The following SHPRH variants were observed in gnomAD, a reference collection of about 807,000 sequenced individuals.
SHPRH encodes SNF2 histone linker PHD RING helicase, also known as E3 ubiquitin-protein ligase SHPRH.
A neutral mutation model predicts 202.5 loss-of-function variants in SHPRH; 106 were observed. The observed-to-expected ratio is 0.52, with a 90% confidence interval of 0.45 to 0.62. The LOEUF (loss-of-function observed/expected upper bound fraction) is 0.62. Among genes scored for constraint, SHPRH ranks in the 20% least tolerant of loss-of-function variants. The probability of loss-of-function intolerance (pLI) is 0.00; values close to 1 mark genes in which losing one functional copy is unlikely to be tolerated. For synonymous variants in SHPRH, 729 were observed against 686.0 expected (o/e 1.06, Z -0.98); for missense variants, 1,710 against 2,020.0 (o/e 0.85, Z 2.94).
chr6:145,914,179 G>GT (rs1783742764), intron 23 of SHPRH, among the ~76,000 whole-genome samples: 1 of 152,070 alleles, frequency 6.6e-6, no homozygotes, highest in Non-Finnish European at 1.5e-5. Context: ...GGGTTGGATG[G>GT]TCTATGATGG....
Position 145,926,286 on chromosome 6 carries a change from G to C in SHPRH, c.3212C>G (p.Ala1071Gly). Residue 1071 changes from alanine (A) to glycine (G), a missense_variant, in exon 16 of 30, where the codon GCT becomes GGT. Coordinates refer to ENST00000275233, the MANE Select transcript of SHPRH (RefSeq NM_001042683.3). ...CAACAATTCCATCAAGTTATGGGTA[G>C]CATGAAGTCTCTACAAACATATCAA... Reference protein sequence around the residue: ...LKTDSLQRLHATHNLMELLIA... With the variant: ...LKTDSLQRLHGTHNLMELLIA... The C allele has an allele frequency of 6.2e-7, 1 of 1,612,644 alleles. No homozygotes were observed. The highest frequency in any genetic ancestry group is 1.3e-5 in the African/African-American group (1 of 74,940).
At chr6:145,911,511 T>C in intron 24 of SHPRH, among the ~76,000 whole-genome samples, 1 of 152,186 alleles carries the variant, frequency 6.6e-6, no homozygotes, top group East Asian at 1.9e-4. Flanking sequence ...TGGAGACTTT[T>C]GCCCTCTTTG....
Position 145,926,234 on chromosome 6 carries a change from A to G in SHPRH, c.3264T>C (p.Pro1088=). Reference sequence around the variant, plus strand: ...CCTCAAGTCGGCCATCACGCAAGGTAGGTGGTATCCCTGGGTGCCTGGCTA... The same window carrying G: ...CCTCAAGTCGGCCATCACGCAAGGTGGGTGGTATCCCTGGGTGCCTGGCTA... ...LLIARHPGIP[P]TLRDGRLEEE... The change falls in exon 16 of 30, where the codon CCT becomes CCC. Residue 1088 remains proline (P), a synonymous_variant. Coordinates refer to ENST00000275233, the MANE Select transcript of SHPRH (RefSeq NM_001042683.3). 6.2e-7 allele frequency: 1 copy of G among 1,613,002 alleles called. No individual in the cohort carries two copies. Among genetic ancestry groups the G allele is most frequent in the Non-Finnish European group, 8.5e-7 (1 of 1,179,252 alleles).
intron 26 of SHPRH, 24 bp downstream of exon 26, chr6:145,894,861 T>G (rs1354819652): frequency 6.2e-7 from 1 of 1,605,262 alleles, no homozygotes; most frequent in East Asian, 2.2e-5. Context: ...GAATTAATAT[T>G]GAGGATGAAA....
intron 10 of SHPRH, among the ~76,000 whole-genome samples, chr6:145,941,097 A>G (rs1786720984): frequency 6.6e-6 from 1 of 152,114 alleles, no homozygotes; most frequent in African/African-American, 2.4e-5. Context: ...GCCCTGCATC[A>G]CTCTATCCTC....
intron 14 of SHPRH, among the ~76,000 whole-genome samples, chr6:145,931,632 G>A (rs1785457236): frequency 6.6e-6 from 1 of 151,960 alleles, no homozygotes; most frequent in Non-Finnish European, 1.5e-5. Context: ...CACCGTGCCT[G>A]GCCTGATTTT....
intron 11 of SHPRH, among the ~76,000 whole-genome samples, chr6:145,938,776 C>A (rs1353316099): frequency 6.6e-6 from 1 of 151,910 alleles, no homozygotes; most frequent in Non-Finnish European, 1.5e-5. Context: ...GGATGTAAAC[C>A]CCAGTTTTTA....
rs960134996 is a variant in SHPRH, at chr6:145,940,969, T to C, written c.2491-168A>G. Among the ~76,000 whole-genome samples, 10 of 152,334 alleles carry C rather than the reference T, an allele frequency of 6.6e-5. No homozygotes were observed. In the East Asian group the frequency reaches 1.5e-3, roughly 24 times the overall value. Reference sequence around the variant, plus strand: ...ACTCAATGTTGAATGTCATATTCAATGGACCATCTTCCAGTACAGTGGTTC... The same window carrying C: ...ACTCAATGTTGAATGTCATATTCAACGGACCATCTTCCAGTACAGTGGTTC... On this transcript the variant is annotated intron_variant, in intron 10 of 29. Coordinates refer to ENST00000275233, the MANE Select transcript of SHPRH (RefSeq NM_001042683.3).
At chr6:145,911,765 T>C (rs1005922487) in intron 24 of SHPRH, among the ~76,000 whole-genome samples, 1 of 152,066 alleles carries the variant, frequency 6.6e-6, no homozygotes, top group African/African-American at 2.4e-5. Flanking sequence ...AGATGCTCTT[T>C]GGAAAAGAAC....
downstream of SHPRH, among the ~76,000 whole-genome samples, chr6:145,861,755 A>G (rs1172864987): frequency 1.3e-5 from 2 of 152,178 alleles, no homozygotes; most frequent in African/African-American, 4.8e-5. Context: ...ATACATATAC[A>G]CACCCACATA....
At chr6:145,894,619 GA>G (rs1781853692) in intron 26 of SHPRH, among the ~76,000 whole-genome samples, 1 of 151,712 alleles carries the variant, frequency 6.6e-6, no homozygotes, top group Admixed American at 6.6e-5. Context: ...TTCAAAGTCA[GA>G]AATTCCAATT....
chr6:145,922,351 GAAA>G lies in SHPRH; in HGVS notation c.3720-6_3720-4del. ...CATCAGCTTTACAAAAGACACAGCT[GAAA>G]AAAAAGAGATTAACAGAAATATTCA... On this transcript the variant is annotated splice_region_variant and splice_polypyrimidine_tract_variant and intron_variant, in intron 19 of 29. Coordinates refer to ENST00000275233, the MANE Select transcript of SHPRH (RefSeq NM_001042683.3). 1 of 1,553,710 alleles carries G rather than the reference GAAA, an allele frequency of 6.4e-7. No homozygotes were observed.
chr6:145,914,436 T>A (rs576243651), intron 23 of SHPRH, among the ~76,000 whole-genome samples: 20 of 152,324 alleles, frequency 1.3e-4, no homozygotes, highest in African/African-American at 4.8e-4. Flanking sequence ...GGTGAGATTA[T>A]AAATATTTTA....
intron 11 of SHPRH, among the ~76,000 whole-genome samples, chr6:145,938,094 A>G (rs772953341): frequency 2.6e-5 from 4 of 152,162 alleles, no homozygotes; most frequent in Non-Finnish European, 1.5e-5. Context: ...GTATCCCCCA[A>G]AAGTTCACGT....
chr6:145,889,491 C>G (rs961513184), intron 28 of SHPRH, among the ~76,000 whole-genome samples: 1 of 151,976 alleles, frequency 6.6e-6, no homozygotes, highest in Non-Finnish European at 1.5e-5. Context: ...TTTTGAGTGC[C>G]AACGTGACAA....
At chr6:145,887,728 T>C (rs181744147) in intron 29 of SHPRH, among the ~76,000 whole-genome samples, 14 of 152,126 alleles carry the variant, frequency 9.2e-5, no homozygotes, top group Non-Finnish European at 2.1e-4. Context: ...AGAGATGGGG[T>C]TTCACCATGT....
In SHPRH at chr6:145,888,204, A is replaced by G. The variant is rs1781260146; in HGVS notation, c.4875-104T>C. 18 of 765,718 alleles carry G rather than the reference A, an allele frequency of 2.4e-5. 1 individual carries two copies. The South Asian group carries it at 3.0e-4, about 13-fold the overall frequency. 47.4% of individuals were successfully genotyped at this position (765,718 alleles called of 1,614,324 possible). On this transcript the variant is annotated intron_variant, in intron 28 of 29. Transcript: ENST00000275233. ...TATATTCATCAGTCAGTTGGTGCCC[A>G]CTTGTGGCAGGTGCTGGGAGGGGTT...
chr6:145,881,771 A>C (rs1780586723), downstream of SHPRH: 1 of 152,158 alleles, frequency 6.6e-6, no homozygotes. Flanking sequence ...GGAGGAAATA[A>C]GATTGAAAAA....
intron 20 of SHPRH, 69 bp downstream of exon 20, chr6:145,922,217 A>C: frequency 7.5e-7 from 1 of 1,335,876 alleles, no homozygotes; most frequent in Non-Finnish European, 1.0e-6. Flanking sequence ...ACATAGTCTT[A>C]TATCACATAA....
Sources: gnomAD v4.1 joint callset for allele counts (sites outside exome capture counted in the v4.1 genomes callset) on GRCh38, gnomAD v4.1.1 for gene constraint, MANE v1.5 for transcripts, NCBI Gene and HGNC (gene_info 2026-07-23, HGNC 2026-07-21) for gene names.